TXNRD1: variants seen among roughly 807,000 people sequenced by gnomAD.
TXNRD1 encodes thioredoxin reductase 1, also known as thioredoxin reductase 1, cytoplasmic.
In TXNRD1, 57 loss-of-function variants were observed where a neutral mutation model predicts 80.3. The observed-to-expected ratio is 0.71, with a 90% CI of 0.57 to 0.89. The LOEUF (loss-of-function observed/expected upper bound fraction) is 0.89, where lower values mean the gene tolerates loss of function less well. Ranked by LOEUF, TXNRD1 falls within the 40% of genes least tolerant of loss-of-function variation. TXNRD1 has a pLI of 0.00. For synonymous variants in TXNRD1, 291 were observed against 285.2 expected (o/e 1.02, Z -0.20); for missense variants, 730 against 803.0 (o/e 0.91, Z 1.10).
chr12:104,299,511 G>A (rs1315578387), intron 4 of TXNRD1, among the ~76,000 whole-genome samples: 1 of 152,166 alleles, frequency 6.6e-6, no homozygotes, highest in Non-Finnish European at 1.5e-5. Context: ...GCTCACGCAT[G>A]TAATCCCAGC....
At chr12:104,281,551 C>T (rs971908865) in intron 3 of TXNRD1, among the ~76,000 whole-genome samples, 5 of 151,790 alleles carry the variant, frequency 3.3e-5, no homozygotes, top group Admixed American at 6.6e-5. Context: ...GGACTACAGG[C>T]GCCTGCTACC....
intron 3 of TXNRD1, among the ~76,000 whole-genome samples, chr12:104,285,156 A>G (rs2135738410): frequency 6.6e-6 from 1 of 152,326 alleles, no homozygotes; most frequent in African/African-American, 2.4e-5. Flanking sequence ...CCAGAGCAAC[A>G]GAGCAAGAGA....
chr12:104,246,768 G>A (rs187726319), intron 1 of TXNRD1, among the ~76,000 whole-genome samples: 321 of 151,932 alleles, frequency 2.1e-3, no homozygotes, highest in Non-Finnish European at 3.5e-3. Context: ...TGATCCGCCC[G>A]CCTCGGTCTC....
intron 3 of TXNRD1, among the ~76,000 whole-genome samples, chr12:104,267,949 A>G (rs1445616081): frequency 1.3e-5 from 2 of 150,490 alleles, no homozygotes; most frequent in Non-Finnish European, 1.5e-5. Flanking sequence ...TCCCGGGTTC[A>G]AACAATTCTC....
At chr12:104,273,638 G>T (rs765784148) in intron 3 of TXNRD1, among the ~76,000 whole-genome samples, 1 of 151,958 alleles carries the variant, frequency 6.6e-6, no homozygotes, top group Non-Finnish European at 1.5e-5. Flanking sequence ...GAATGCTCGC[G>T]CCACCCTCAG....
rs895402914 is a variant in TXNRD1, at chr12:104,348,786, A to T, written c.*365A>T. 2 of 212,898 alleles carry T rather than the reference A, an allele frequency of 9.4e-6. No individual in the cohort carries two copies. Among genetic ancestry groups the T allele is most frequent in the Non-Finnish European group, 1.9e-5 (2 of 106,706 alleles). The allele number at this position is 212,898 out of a possible 1,614,324, so 13.2% of individuals were successfully genotyped here. ...TCGTTGTCAAGTTTTCTAGGGTTGAATTTTTTTCTTTTTTCTCCATGGTGT... is the reference window on the plus strand; with the variant it reads ...TCGTTGTCAAGTTTTCTAGGGTTGATTTTTTTTCTTTTTTCTCCATGGTGT... On this transcript the variant is annotated 3_prime_UTR_variant, in exon 17 of 17. Transcript: ENST00000525566.
chr12:104,332,836 T>C (rs2036005285), intron 14 of TXNRD1, among the ~76,000 whole-genome samples: 1 of 151,746 alleles, frequency 6.6e-6, no homozygotes, highest in Non-Finnish European at 1.5e-5. Flanking sequence ...AAATTTTAAT[T>C]CATGAAGAGA....
At position 104,349,655 on chromosome 12, in the gene TXNRD1, A is replaced by G. The variant is rs547888031; in HGVS notation, c.*1234A>G. On this transcript the variant is annotated 3_prime_UTR_variant, in exon 17 of 17. Coordinates refer to ENST00000525566, the MANE Select transcript of TXNRD1 (RefSeq NM_001093771.3). ...TTAATGCCTCAGTTATGTGTTTGTC[A>G]ATGTACTGGCTGAGGATTCTATCTC... 2 of 152,614 alleles carry G rather than the reference A, an allele frequency of 1.3e-5. No homozygotes were observed. The highest frequency in any genetic ancestry group is 1.3e-4 in the Admixed American group (2 of 15,308). 9.5% of individuals were successfully genotyped at this position (152,614 alleles called of 1,614,324 possible).
intron 4 of TXNRD1, among the ~76,000 whole-genome samples, chr12:104,306,526 A>C (rs191683445): frequency 6.6e-6 from 1 of 152,220 alleles, no homozygotes; most frequent in African/African-American, 2.4e-5. Flanking sequence ...AAACTTTCCT[A>C]GTAAGTCTAG....
intron 4 of TXNRD1, chr12:104,304,309 G>C (rs1225633883): frequency 2.5e-6 from 4 of 1,614,036 alleles, no homozygotes; most frequent in Non-Finnish European, 3.4e-6. Flanking sequence ...TTCTGTTTCT[G>C]TTCGTGGGTC....
At chr12:104,291,098 T>C (rs957261520) in intron 4 of TXNRD1, 1 of 666,956 alleles carries the variant, frequency 1.5e-6, no homozygotes, top group African/African-American at 1.8e-5. Context: ...TCACGACATT[T>C]AGTGAGGTAT....
At chr12:104,343,662 A>G (rs547341232) in intron 16 of TXNRD1, among the ~76,000 whole-genome samples, 37 of 152,060 alleles carry the variant, frequency 2.4e-4, no homozygotes, top group African/African-American at 8.9e-4. Flanking sequence ...ATAACTGTGC[A>G]TTGTGGCGTA....
chr12:104,258,084 G>A lies in TXNRD1; in HGVS notation c.304+5G>A. The A allele has an allele frequency of 6.5e-7, 1 of 1,539,572 alleles. No homozygotes were observed. Among genetic ancestry groups the A allele is most frequent in the East Asian group, 2.4e-5 (1 of 41,674 alleles). On this transcript the variant is annotated splice_donor_5th_base_variant and intron_variant, in intron 3 of 16. Coordinates refer to ENST00000525566, the MANE Select transcript of TXNRD1 (RefSeq NM_001093771.3). The stretch of plus-strand genomic sequence containing the variant: ...TGCTTGAACTTGATCAAACAGGTAA[G>A]TTTCTGTTTAATATGTAAATCATAG...
intron 4 of TXNRD1, chr12:104,289,340 C>A (rs2135745760): frequency 3.9e-6 from 1 of 257,946 alleles, no homozygotes; most frequent in Non-Finnish European, 7.7e-6. Context: ...TTGTAAATAA[C>A]ATTTTTTAGC....
Position 104,215,814 on chromosome 12 carries a change from C to G in TXNRD1, c.12C>G (p.Ala4=). Residue 4 remains alanine (A), a synonymous_variant, in exon 1 of 17, where the codon GCC becomes GCG. Coordinates refer to ENST00000525566, the MANE Select transcript of TXNRD1 (RefSeq NM_001093771.3). The stretch of plus-strand genomic sequence containing the variant: ...GGGCCTTGTGCGACATGGGCTGCGC[C>G]GAGGGCAAGGCAGTGGCGGCGGCCG... MGC[A]EGKAVAAAAP... is the part of the protein sequence containing the mutation. 1 of 1,562,374 alleles carries G rather than the reference C, an allele frequency of 6.4e-7. No individual in the cohort carries two copies. The highest frequency in any genetic ancestry group is 8.7e-7 in the Non-Finnish European group (1 of 1,153,920).
intron 4 of TXNRD1, among the ~76,000 whole-genome samples, chr12:104,293,175 A>G (rs2034288956): frequency 6.6e-6 from 1 of 152,188 alleles, no homozygotes; most frequent in Admixed American, 6.5e-5. Flanking sequence ...AATCACTTGT[A>G]GAGAGGCCTA....
At chr12:104,301,626 C>T (rs2034630099) in intron 4 of TXNRD1, among the ~76,000 whole-genome samples, 1 of 152,208 alleles carries the variant, frequency 6.6e-6, no homozygotes, top group Admixed American at 6.5e-5. Context: ...CGTGAGCCAC[C>T]GTGCCCGGCT....
At chr12:104,280,797 G>C (rs1284433866) in intron 3 of TXNRD1, 4 of 151,984 alleles carry the variant, frequency 2.6e-5, no homozygotes, top group African/African-American at 9.7e-5. Flanking sequence ...ATGCCTGCTT[G>C]AATTTCCAGC....
At chr12:104,241,709 A>ATTTC (rs1218834712) in intron 1 of TXNRD1, among the ~76,000 whole-genome samples, 1 of 150,938 alleles carries the variant, frequency 6.6e-6, no homozygotes, top group East Asian at 2.0e-4. Flanking sequence ...TTATTTATTT[A>ATTTC]TTTATTTATT....
Sources: gnomAD v4.1 joint callset for allele counts (sites outside exome capture counted in the v4.1 genomes callset) on GRCh38, gnomAD v4.1.1 for gene constraint, MANE v1.5 for transcripts, NCBI Gene and HGNC (gene_info 2026-07-23, HGNC 2026-07-21) for gene names.